The following COL27A1 variants were observed in gnomAD, a reference collection of about 807,000 sequenced individuals.
COL27A1 encodes the protein collagen alpha-1(XXVII) chain.
COL27A1 carries 106 observed loss-of-function variants against 251.3 expected under a neutral mutation model. The ratio of observed to expected loss-of-function variants is 0.42; its 90% CI spans 0.36 to 0.50. The LOEUF (loss-of-function observed/expected upper bound fraction) is 0.50. Ranked by LOEUF, COL27A1 falls within the 20% of genes least tolerant of loss-of-function variation. The pLI, the probability that COL27A1 is intolerant of heterozygous loss-of-function variation, is 0.00. For missense variants in COL27A1, 2,325 were observed against 2,522.8 expected, an observed-to-expected ratio of 0.92 and a Z score of 1.68; for synonymous variants, 1,000 against 986.3, an observed-to-expected ratio of 1.01 and a Z score of -0.26.
In COL27A1 at chr9:114,310,550, T is replaced by C. The variant is rs1829375951; in HGVS notation, c.5438T>C (p.Val1813Ala). ...RPEVSMDGCK[V>A]QDGRWHQTLF... ...GTGCACTTTTCCTTCTGCCTTCAGG[T>C]CCAAGATGGCCGCTGGCATCAGACA... is the stretch of plus-strand genomic sequence containing the variant. Residue 1813 changes from valine (V) to alanine (A), a missense_variant and splice_region_variant, in exon 61 of 61, where the codon GTC becomes GCC. Coordinates refer to ENST00000356083, the MANE Select transcript of COL27A1 (RefSeq NM_032888.4). The C allele has an allele frequency of 1.2e-6, 2 of 1,614,164 alleles. No individual in the cohort carries two copies. Among genetic ancestry groups the C allele is most frequent in the Non-Finnish European group, 8.5e-7 (1 of 1,180,020 alleles).
chr9:114,234,292 C>G (rs1407524353), intron 16 of COL27A1, among the ~76,000 whole-genome samples: 1 of 147,920 alleles, frequency 6.8e-6, no homozygotes, highest in Non-Finnish European at 1.5e-5. Flanking sequence ...TTGGAAAAAC[C>G]AAAGTAAGTT....
At chr9:114,164,043 A>G (rs1343433200) in intron 2 of COL27A1, among the ~76,000 whole-genome samples, 1 of 152,120 alleles carries the variant, frequency 6.6e-6, no homozygotes, top group East Asian at 1.9e-4. Flanking sequence ...CAAGCCTGGG[A>G]GGCCCCAGGC....
At chr9:114,231,363 A>G (rs1831938663) in intron 15 of COL27A1, among the ~76,000 whole-genome samples, 1 of 152,184 alleles carries the variant, frequency 6.6e-6, no homozygotes, top group African/African-American at 2.4e-5. Flanking sequence ...CTAGCTGAGC[A>G]TGAGTCTGAC....
chr9:114,172,289 G>A (rs111914158), intron 3 of COL27A1, among the ~76,000 whole-genome samples: 9 of 152,202 alleles, frequency 5.9e-5, no homozygotes, highest in African/African-American at 2.2e-4. Flanking sequence ...ATATATCCAG[G>A]ATCTAAGCCC....
chr9:114,306,944 G>A (rs888179013), intron 58 of COL27A1: 15 of 431,264 alleles, frequency 3.5e-5, no homozygotes, highest in African/African-American at 6.1e-5. Context: ...CCCCACCCCT[G>A]GGGCCCATCC....
intron 55 of COL27A1, 68 bp downstream of exon 55, chr9:114,301,785 C>T (rs1234396658): frequency 1.4e-6 from 2 of 1,454,058 alleles, no homozygotes; most frequent in African/African-American, 1.4e-5. Context: ...TTCAAGGCTT[C>T]ACCGGCAGAC....
At position 114,288,723 on chromosome 9, in the gene COL27A1, G is replaced by C. The variant is rs149434700; in HGVS notation, c.4066G>C (p.Asp1356His). The stretch of plus-strand genomic sequence containing the variant: ...TCAGGGCCCTGTGGGTGATCGAGGA[G>C]ACCGCGGGGAACCGGGAGACCCTGG... ...GDRGPVGDRGDRGEPGDPGYP... is the reference protein window; with the variant it reads ...GDRGPVGDRGHRGEPGDPGYP... Residue 1356 changes from aspartate (D) to histidine (H), a missense_variant, in exon 43 of 61, where the codon GAC (aspartate) becomes CAC (histidine). Physicochemically the swap from Asp to His is moderately conservative, Grantham distance 81. This residue lies in a region of COL27A1 where 662 missense variants were observed against 795.3 expected (regional missense o/e 0.83). Coordinates refer to ENST00000356083, the MANE Select transcript of COL27A1 (RefSeq NM_032888.4). The C allele has an allele frequency of 7.4e-4, 1,194 of 1,610,466 alleles. 10 individuals carry two copies. In the East Asian group the frequency reaches 0.018, roughly 24 times the overall value.
At chr9:114,275,290 A>T (rs1351734810) in intron 36 of COL27A1, among the ~76,000 whole-genome samples, 1 of 152,000 alleles carries the variant, frequency 6.6e-6, no homozygotes, top group African/African-American at 2.4e-5. Context: ...TCTGCTTCAT[A>T]AGACTCTTGT....
rs986077647 is a variant in COL27A1 at position 114,311,723 on chromosome 9, G to A, written c.*1028G>A. On this transcript the variant is annotated 3_prime_UTR_variant, in exon 61 of 61. Transcript: ENST00000356083. ...GCCCTTCACGGTCCTGGAGGGAGGT[G>A]AGGCTGGCCTTGGAAGGCGTGCCCT... 6.6e-6 allele frequency: 1 copy of A among 152,288 alleles called. No homozygotes were observed. The highest frequency in any genetic ancestry group is 2.4e-5 in the African/African-American group (1 of 41,454). The allele number at this position is 152,288 out of a possible 1,614,324, so 9.4% of individuals were successfully genotyped here. A position where few individuals can be genotyped will look rare whatever the true frequency, so the allele number is the denominator to read the frequency against.
chr9:114,261,747 G>A (rs1239665890), intron 28 of COL27A1, among the ~76,000 whole-genome samples: 1 of 144,472 alleles, frequency 6.9e-6, no homozygotes, highest in Admixed American at 7.2e-5. Context: ...GAAAAACAGT[G>A]ACAGGTAGTG....
Position 114,290,768 on chromosome 9 carries a change from C to A in COL27A1, c.4369-42C>A. On this transcript the variant is annotated intron_variant, in intron 47 of 60. Coordinates refer to ENST00000356083, the MANE Select transcript of COL27A1 (RefSeq NM_032888.4). This position sits in a 1 kb window ranked among gnomAD's most constrained non-coding sequence, Gnocchi z 4.6. ...GAGCCATCTGCTTCCTTGGCTGTAT[C>A]GTGAAACACAAGAGACCCTCCTCTG... 3 of 1,439,910 alleles carry A rather than the reference C, an allele frequency of 2.1e-6. No homozygotes were observed. Among genetic ancestry groups the A allele is most frequent in the African/African-American group, 1.4e-5 (1 of 70,006 alleles). 89.2% of individuals were successfully genotyped at this position (1,439,910 alleles called of 1,614,324 possible).
chr9:114,270,296 A>G (rs1481557348), intron 35 of COL27A1, among the ~76,000 whole-genome samples: 2 of 152,256 alleles, frequency 1.3e-5, no homozygotes, highest in Non-Finnish European at 2.9e-5. Context: ...TCAAACAGCC[A>G]GTGAATGAGA....
chr9:114,267,168 G>A (rs1289761413), intron 33 of COL27A1, among the ~76,000 whole-genome samples: 1 of 152,178 alleles, frequency 6.6e-6, no homozygotes, highest in African/African-American at 2.4e-5. Flanking sequence ...CCTAAACACA[G>A]CATCCAATGG....
chr9:114,218,014 T>C (rs1830821425), intron 12 of COL27A1: 1 of 356,046 alleles, frequency 2.8e-6, no homozygotes, highest in Admixed American at 3.7e-5. Context: ...CTTGGGAGGC[T>C]GAGGCGGCAG....
At chr9:114,277,764 C>T (rs1038777) in intron 37 of COL27A1, among the ~76,000 whole-genome samples, 35,578 of 152,046 alleles carry the variant, frequency 0.23, 4,625 homozygotes, top group South Asian at 0.41. Context: ...ACTTGGTCTG[C>T]GACCTTTCAC....
chr9:114,171,975 TGTG>T lies in COL27A1; in HGVS notation c.1908+2515_1908+2517del, dbSNP rs565659585. Among the ~76,000 whole-genome samples, 18 of 152,244 alleles carry T rather than the reference TGTG, an allele frequency of 1.2e-4. No homozygotes were observed. In the South Asian group the frequency reaches 3.1e-3, roughly 26 times the overall value. On this transcript the variant is annotated intron_variant, in intron 3 of 60. Transcript: ENST00000356083. ...TTCCTGAAGGAGCTGGGATGCAACT[TGTG>T]GTCCCTGACTTCTGGCCAGGGCTGA...
chr9:114,169,011 G>A lies in COL27A1; in HGVS notation c.1456G>A (p.Ala486Thr). ...TSTHKPPPFT[A>T]LSSSPAPTPG... The stretch of plus-strand genomic sequence containing the variant: ...CACCCACAAACCTCCCCCATTTACT[G>A]CTTTATCCTCATCTCCTGCCCCTAC... The change falls in exon 3 of 61, where the codon GCT becomes ACT. Residue 486 changes from alanine (A) to threonine (T), a missense_variant. By Grantham distance (58) the Ala-to-Thr change is moderately conservative (BLOSUM62 0). This residue lies in a region of COL27A1 where 1,183 missense variants were observed against 1,144.1 expected (regional missense o/e 1.03). Coordinates refer to ENST00000356083, the MANE Select transcript of COL27A1 (RefSeq NM_032888.4). 6.2e-7 allele frequency: 1 copy of A among 1,614,058 alleles called. No homozygotes were observed. The highest frequency in any genetic ancestry group is 2.2e-5 in the East Asian group (1 of 44,862).
rs528536135 is a variant in COL27A1, at chr9:114,307,014, C to G, written c.5107+326C>G. The G allele has an allele frequency of 1.7e-5, 5 of 300,872 alleles. No individual in the cohort carries two copies. The East Asian group carries it at 2.5e-4, about 15-fold the overall frequency. The allele number at this position is 300,872 out of a possible 1,614,324, so 18.6% of individuals were successfully genotyped here. A position where few individuals can be genotyped will look rare whatever the true frequency, so the allele number is the denominator to read the frequency against. ...CCTTTCTGAGCATGAGGACTCTGCT[C>G]TCTCATCTGTGAGCTGATGTGGTGC... On this transcript the variant is annotated intron_variant, in intron 58 of 60. Transcript: ENST00000356083.
chr9:114,255,793 CG>C (rs1564530823), intron 27 of COL27A1, among the ~76,000 whole-genome samples: 1 of 152,146 alleles, frequency 6.6e-6, no homozygotes, highest in Non-Finnish European at 1.5e-5. Context: ...CTGGGGAAGC[CG>C]GCTAGCTCGG....
Sources: allele counts gnomAD v4.1 joint callset (sites outside exome capture counted in the v4.1 genomes callset), GRCh38; gene constraint gnomAD v4.1.1; regional missense constraint gnomAD v4.1.1; non-coding constraint Gnocchi (gnomAD v3.1); transcripts MANE v1.5; gene names NCBI Gene and HGNC (gene_info 2026-07-23, HGNC 2026-07-21).